Variants in NME9 observed in about 807,000 individuals in gnomAD.
NME9 encodes the protein thioredoxin domain-containing protein 6.
In NME9, 48 loss-of-function variants were observed where a neutral mutation model predicts 44.4. The observed-to-expected ratio is 1.08, with a 90% CI of 0.86 to 1.37. The LOEUF is 1.37. Among genes scored for constraint, NME9 ranks in the 40% most tolerant of loss-of-function variants. The pLI is 0.00. For synonymous variants in NME9, 139 were observed against 147.1 expected (o/e 0.94, Z 0.40); for missense variants, 325 against 405.2 (o/e 0.80, Z 1.70).
At chr3:138,302,935 G>A (rs768873577) in intron 10 of NME9, among the ~76,000 whole-genome samples, 2 of 152,238 alleles carry the variant, frequency 1.3e-5, no homozygotes, top group African/African-American at 2.4e-5. Context: ...ACCCCTTGGG[G>A]TTCTCACCCA....
At chr3:138,282,064 T>A (rs1353655041) in intron 8 of NME9, among the ~76,000 whole-genome samples, 2 of 152,212 alleles carry the variant, frequency 1.3e-5, no homozygotes, top group Non-Finnish European at 2.9e-5. Context: ...CGCTCCTACT[T>A]CTCAGCCAGG....
rs1337067414 is a variant in NME9, at chr3:138,304,802, A to C, written c.791+71T>G. 3.4e-6 allele frequency: 5 copies of C among 1,449,474 alleles called. No individual in the cohort carries two copies. In the East Asian group the frequency reaches 1.1e-4, roughly 33 times the overall value. 89.8% of individuals were successfully genotyped at this position (1,449,474 alleles called of 1,614,324 possible). A position where few individuals can be genotyped will look rare whatever the true frequency, so the allele number is the denominator to read the frequency against. Reference sequence around the variant, plus strand: ...TGTTACCCATGATTCTAGGCTGAACACTGAGTGGGACTCAGCCTCCTGGGA... The same window carrying C: ...TGTTACCCATGATTCTAGGCTGAACCCTGAGTGGGACTCAGCCTCCTGGGA... On this transcript the variant is annotated intron_variant, in intron 9 of 10. Coordinates refer to ENST00000333911, the MANE Select transcript of NME9 (RefSeq NM_001349018.2).
At position 138,278,299 on chromosome 3, in the gene NME9, A is replaced by ATTCT. The variant is rs2049509493; in HGVS notation, c.746-15714_746-15713insAGAA. ...AGGCAGGCGGATCACTTGAGGTCAGAAGTTCAGGACCAGCCTAGCAACATG... is the reference window on the plus strand; with the variant it reads ...AGGCAGGCGGATCACTTGAGGTCAGATTCTAGTTCAGGACCAGCCTAGCAACATG... On this transcript the variant is annotated intron_variant, in intron 8 of 8. Transcript: ENST00000317876. Among the ~76,000 whole-genome samples the ATTCT allele has an allele frequency of 2.6e-5, 4 of 151,924 alleles. No individual in the cohort carries two copies. The South Asian group carries it at 8.3e-4, about 32-fold the overall frequency.
chr3:138,306,995 C>T (rs73867059), intron 6 of NME9, among the ~76,000 whole-genome samples: 2,673 of 152,288 alleles, frequency 0.018, 62 homozygotes, highest in African/African-American at 0.06. Context: ...GGCTCCTGTG[C>T]CTCTGATACT....
chr3:138,306,185 G>C, intron 7 of NME9, 89 bp from the exon 8 acceptor site: 1 of 1,027,510 alleles, frequency 9.7e-7, no homozygotes, highest in South Asian at 1.3e-5. Context: ...AAAAAATAAA[G>C]ACAGGCAACA....
intron 8 of NME9, among the ~76,000 whole-genome samples, chr3:138,287,061 A>G (rs1039706860): frequency 6.6e-6 from 1 of 152,206 alleles, no homozygotes; most frequent in African/African-American, 2.4e-5. Flanking sequence ...ACAGCACCTT[A>G]TGCCTGATTA....
chr3:138,324,262 G>A lies in NME9; in HGVS notation c.91+611C>T, dbSNP rs571869702. On this transcript the variant is annotated intron_variant, in intron 2 of 10. Transcript: ENST00000333911. ...GAACTTGGAAGCAAATCTGCTCCTC[G>A]TTGAGCCTTGAGATCCCGTCTGATA... 187 of 327,826 alleles carry A rather than the reference G, an allele frequency of 5.7e-4. 1 individual carries two copies. Among genetic ancestry groups the A allele is most frequent in the African/African-American group, 3.8e-3 (178 of 46,580 alleles). The allele number at this position is 327,826 out of a possible 1,614,324, so 20.3% of individuals were successfully genotyped here.
intron 2 of NME9, 132 bp downstream of exon 2, chr3:138,324,732 ACACACACAT>A: frequency 1.6e-5 from 10 of 618,966 alleles, no homozygotes; most frequent in Admixed American, 2.4e-5. Flanking sequence ...ACACACACAC[ACACACACAT>A]CACCTGGTTT....
intron 8 of NME9, among the ~76,000 whole-genome samples, chr3:138,289,867 GT>G (rs2050774589): frequency 6.6e-6 from 1 of 152,182 alleles, no homozygotes; most frequent in African/African-American, 2.4e-5. Flanking sequence ...GAGAGAGCCA[GT>G]ATATGAGTGG....
intron 6 of NME9, among the ~76,000 whole-genome samples, chr3:138,307,972 C>T (rs547478788): frequency 8.5e-5 from 13 of 152,162 alleles, no homozygotes; most frequent in Non-Finnish European, 2.9e-5. Flanking sequence ...TGCTGCAGGT[C>T]GGGGCATGAA....
At chr3:138,299,455 A>G (rs762547914), downstream of NME9, among the ~76,000 whole-genome samples, 5 of 151,986 alleles carry the variant, frequency 3.3e-5, no homozygotes, top group South Asian at 6.2e-4. Flanking sequence ...CTTTACTTCC[A>G]TATTTGCTTC....
Position 138,315,530 on chromosome 3 carries a change from T to C in NME9, c.381A>G (p.Lys127=), listed in dbSNP as rs1450905010. The change falls in exon 5 of 11, where the codon AAA becomes AAG. Residue 127 remains lysine, a synonymous_variant. Coordinates refer to ENST00000333911, the MANE Select transcript of NME9 (RefSeq NM_001349018.2). The part of the protein sequence containing the change: ...KKVLAEGRER[K]VIKDEALSDE... ...TATAGAAGTGACCTCCAGTTACCAC[T>C]TTCCGTTCTCTGCCTTCAGCCAGCA... is the stretch of plus-strand genomic sequence containing the variant. The C allele has an allele frequency of 1.3e-6, 2 of 1,535,976 alleles. No homozygotes were observed. The highest frequency in any genetic ancestry group is 1.7e-6 in the Non-Finnish European group (2 of 1,146,576).
At chr3:138,266,962 G>A (rs2048341078) in intron 8 of NME9, among the ~76,000 whole-genome samples, 1 of 152,182 alleles carries the variant, frequency 6.6e-6, no homozygotes, top group Non-Finnish European at 1.5e-5. Flanking sequence ...ACAGATTTGA[G>A]GGCGTTAGTC....
chr3:138,327,464 G>T (rs2053868651), intron 1 of NME9, among the ~76,000 whole-genome samples: 1 of 152,138 alleles, frequency 6.6e-6, no homozygotes, highest in African/African-American at 2.4e-5. Context: ...GGCAGTTGAA[G>T]AATCTCAGCC....
At chr3:138,269,224 G>T (rs2048556456) in intron 8 of NME9, among the ~76,000 whole-genome samples, 1 of 152,182 alleles carries the variant, frequency 6.6e-6, no homozygotes, top group Non-Finnish European at 1.5e-5. Flanking sequence ...GTACAGTTGA[G>T]AAATGTATAC....
chr3:138,293,478 G>T (rs1035704738), intron 8 of NME9, among the ~76,000 whole-genome samples: 1 of 152,070 alleles, frequency 6.6e-6, no homozygotes, highest in Non-Finnish European at 1.5e-5. Context: ...GGCAGAGATC[G>T]TGGTGAGCCG....
downstream of NME9, among the ~76,000 whole-genome samples, chr3:138,300,124 C>T (rs1177317122): frequency 1.3e-5 from 2 of 152,144 alleles, no homozygotes; most frequent in East Asian, 3.9e-4. Context: ...CCTGACAGGT[C>T]CTGTCAGTGA....
intron 1 of NME9, among the ~76,000 whole-genome samples, chr3:138,328,579 G>A (rs1185423084): frequency 2.0e-5 from 3 of 152,028 alleles, no homozygotes; most frequent in African/African-American, 4.8e-5. Flanking sequence ...TTTTAAGTTC[G>A]TTTTAAAATG....
At chr3:138,273,041 G>C in intron 8 of NME9, 1 of 1,613,392 alleles carries the variant, frequency 6.2e-7, no homozygotes, top group Non-Finnish European at 8.5e-7. Flanking sequence ...AGCTATTCCG[G>C]TTATTATCAG....
Sources: allele counts gnomAD v4.1 joint callset (sites outside exome capture counted in the v4.1 genomes callset), GRCh38; gene constraint gnomAD v4.1.1; transcripts MANE v1.5; gene names NCBI Gene and HGNC (gene_info 2026-07-23, HGNC 2026-07-21).